Variants in HIVEP3 observed in about 807,000 individuals in gnomAD.
HIVEP3 encodes transcription factor HIVEP3.
HIVEP3 carries 49 observed loss-of-function variants against 152.8 expected under a neutral mutation model. That is an observed-to-expected ratio of 0.32 (90% confidence interval 0.26 to 0.41). HIVEP3 has a LOEUF of 0.41. Among genes scored for constraint, HIVEP3 ranks in the 10% least tolerant of loss-of-function variants. HIVEP3 has a pLI of 1.00. For synonymous variants in HIVEP3, 1,269 were observed against 1,289.0 expected (o/e 0.98, Z 0.33); for missense variants, 2,790 against 3,103.3 (o/e 0.90, Z 2.40).
At chr1:41,697,294 A>G (rs976414176) in intron 2 of HIVEP3, among the ~76,000 whole-genome samples, 1 of 152,238 alleles carries the variant, frequency 6.6e-6, no homozygotes, top group Admixed American at 6.5e-5. Context: ...CAGCGCACTG[A>G]GCTTCAAGAA....
At chr1:42,030,404 A>G (rs536377124) in intron 1 of HIVEP3, among the ~76,000 whole-genome samples, 2 of 152,274 alleles carry the variant, frequency 1.3e-5, no homozygotes, top group African/African-American at 4.8e-5. Flanking sequence ...GGCATCCCAA[A>G]AGGAAACATG....
chr1:41,827,288 C>T (rs1292059675), intron 1 of HIVEP3, among the ~76,000 whole-genome samples: 1 of 152,214 alleles, frequency 6.6e-6, no homozygotes. Flanking sequence ...TCTGGCATCA[C>T]CTAAAACCTA....
chr1:41,770,074 T>C (rs1648252251), intron 1 of HIVEP3, among the ~76,000 whole-genome samples: 3 of 152,176 alleles, frequency 2.0e-5, no homozygotes, highest in African/African-American at 7.2e-5. Flanking sequence ...GTTCACACCA[T>C]TCTCCTGCCT....
At chr1:41,735,979 T>C (rs1298093727) in intron 1 of HIVEP3, among the ~76,000 whole-genome samples, 5 of 151,796 alleles carry the variant, frequency 3.3e-5, no homozygotes, top group African/African-American at 2.4e-5. Context: ...AGCCCCACCA[T>C]CAAAGTGACA....
intron 1 of HIVEP3, among the ~76,000 whole-genome samples, chr1:41,830,531 G>T (rs1642929973): frequency 1.3e-5 from 2 of 152,124 alleles, no homozygotes; most frequent in Admixed American, 6.5e-5. Flanking sequence ...GTCTCTCCCA[G>T]GAATTCTGAA....
rs188958205 is a variant in HIVEP3 at position 41,512,793 on chromosome 1, A to T, written c.6405+23T>A. 103 of 1,460,574 alleles carry T rather than the reference A, an allele frequency of 7.1e-5. No individual in the cohort carries two copies. The East Asian group carries it at 2.5e-3, about 35-fold the overall frequency. The allele number at this position is 1,460,574 out of a possible 1,614,324, so 90.5% of individuals were successfully genotyped here. A position where few individuals can be genotyped will look rare whatever the true frequency, so the allele number is the denominator to read the frequency against. On this transcript the variant is annotated intron_variant, in intron 8 of 8. Transcript: ENST00000372583. ...TGCACCCACAGGGGAGAAGCGGCCCAGCCACCAGGGGCAGGAACTCACCCA... is the reference window on the plus strand; with the variant it reads ...TGCACCCACAGGGGAGAAGCGGCCCTGCCACCAGGGGCAGGAACTCACCCA...
intron 2 of HIVEP3, among the ~76,000 whole-genome samples, chr1:41,644,603 C>T (rs1225151408): frequency 6.6e-6 from 1 of 151,990 alleles, no homozygotes; most frequent in Admixed American, 6.6e-5. Context: ...AAGTCAGATC[C>T]CCTTTTGATT....
intron 5 of HIVEP3, among the ~76,000 whole-genome samples, chr1:41,525,536 G>A (rs1361739715): frequency 6.6e-6 from 1 of 152,162 alleles, no homozygotes; most frequent in East Asian, 1.9e-4. Flanking sequence ...CATGGGAGGA[G>A]AAGGAACAGG....
At chr1:41,821,192 CT>C (rs1351293769) in intron 1 of HIVEP3, among the ~76,000 whole-genome samples, 1 of 152,148 alleles carries the variant, frequency 6.6e-6, no homozygotes, top group Non-Finnish European at 1.5e-5. Context: ...GGGGTAGAGG[CT>C]GTATTCTATC....
At chr1:41,576,892 G>T (rs192223243) in intron 4 of HIVEP3, among the ~76,000 whole-genome samples, 39 of 152,362 alleles carry the variant, frequency 2.6e-4, no homozygotes, top group Admixed American at 5.2e-4. Context: ...AATCTCTTCA[G>T]ATTTGGAGGA....
At chr1:41,723,184 G>GT (rs1646702268) in intron 1 of HIVEP3, among the ~76,000 whole-genome samples, 1 of 152,126 alleles carries the variant, frequency 6.6e-6, no homozygotes, top group Admixed American at 6.5e-5. Flanking sequence ...AGAAATCCAG[G>GT]TAAGACAAGG....
chr1:41,518,035 T>C (rs1398101085), intron 7 of HIVEP3, among the ~76,000 whole-genome samples: 2 of 152,246 alleles, frequency 1.3e-5, no homozygotes, highest in African/African-American at 4.8e-5. Context: ...AGAACCCGCC[T>C]GACACATAGT....
intron 1 of HIVEP3, among the ~76,000 whole-genome samples, chr1:41,729,576 G>A (rs1344213136): frequency 6.6e-6 from 1 of 152,138 alleles, no homozygotes; most frequent in East Asian, 1.9e-4. Flanking sequence ...TATTCTTAGA[G>A]GAATTCTAAA....
At chr1:41,627,562 T>A (rs1368476498) in intron 3 of HIVEP3, among the ~76,000 whole-genome samples, 1 of 152,158 alleles carries the variant, frequency 6.6e-6, no homozygotes, top group Non-Finnish European at 1.5e-5. Flanking sequence ...ACACAGGCTC[T>A]AGCCACCCCG....
chr1:41,815,339 G>C (rs1304853456), intron 1 of HIVEP3, among the ~76,000 whole-genome samples: 1 of 152,170 alleles, frequency 6.6e-6, no homozygotes, highest in Non-Finnish European at 1.5e-5. Flanking sequence ...GGGCATGGTG[G>C]TGCATGCCTG....
intron 1 of HIVEP3, among the ~76,000 whole-genome samples, chr1:41,770,558 G>A (rs761848447): frequency 3.9e-5 from 6 of 152,124 alleles, no homozygotes; most frequent in Middle Eastern, 3.4e-3. Context: ...GTTGTCATGC[G>A]CCCCCCAATA....
intron 1 of HIVEP3, among the ~76,000 whole-genome samples, chr1:41,955,673 G>C (rs529795359): frequency 5.3e-5 from 8 of 152,322 alleles, no homozygotes; most frequent in African/African-American, 1.9e-4. Context: ...CTGGGGCACA[G>C]TTCCTTTTTG....
At chr1:41,518,042 T>C (rs1642657958) in intron 7 of HIVEP3, among the ~76,000 whole-genome samples, 1 of 152,210 alleles carries the variant, frequency 6.6e-6, no homozygotes, top group Non-Finnish European at 1.5e-5. Flanking sequence ...GCCTGACACA[T>C]AGTGGGCACT....
At chr1:42,023,367 A>C (rs1645565149) in intron 1 of HIVEP3, among the ~76,000 whole-genome samples, 2 of 152,094 alleles carry the variant, frequency 1.3e-5, no homozygotes, top group African/African-American at 4.8e-5. Context: ...CTACGCAGAG[A>C]TCATGAAGAT....
Sources: gnomAD v4.1 joint callset for allele counts (sites outside exome capture counted in the v4.1 genomes callset) on GRCh38, gnomAD v4.1.1 for gene constraint, MANE v1.5 for transcripts, NCBI Gene and HGNC (gene_info 2026-07-23, HGNC 2026-07-21) for gene names.